SMOX: variants seen among roughly 807,000 people sequenced by gnomAD.
SMOX encodes the protein flavin containing amine oxidase.
SMOX carries 22 observed loss-of-function variants against 51.0 expected under a neutral mutation model. That is an observed-to-expected ratio of 0.43 (90% CI 0.31 to 0.62). SMOX has a LOEUF of 0.62. SMOX is among the 20% of genes least tolerant of loss of function. The probability of loss-of-function intolerance (pLI) is 0.10; values close to 1 mark genes in which losing one functional copy is unlikely to be tolerated. For missense variants in SMOX, 566 were observed against 777.7 expected, an observed-to-expected ratio of 0.73 and a Z score of 3.24; for synonymous variants, 282 against 307.8, an observed-to-expected ratio of 0.92 and a Z score of 0.88.
At chr20:4,179,157 A>G (rs923478860) in intron 3 of SMOX, among the ~76,000 whole-genome samples, 2 of 152,208 alleles carry the variant, frequency 1.3e-5, no homozygotes, top group African/African-American at 4.8e-5. Context: ...TAATGGGTCA[A>G]ATAAGAACTA....
rs143933852 is a variant in SMOX at position 4,153,403 on chromosome 20, G to C, written c.-27+4426G>C. Among the ~76,000 whole-genome samples, 1 of 152,266 alleles carries C rather than the reference G, an allele frequency of 6.6e-6. No homozygotes were observed. The highest frequency in any genetic ancestry group is 2.4e-5 in the African/African-American group (1 of 41,548). On this transcript the variant is annotated intron_variant, in intron 1 of 6. Transcript: ENST00000305958. This position sits in a 1 kb window ranked among gnomAD's most constrained non-coding sequence, Gnocchi z 4.4. ...CCTTGTAGACTCTGAAAGGAGGAAA[G>C]GCTTCCCCTGGGATGCCAGGCTGAG... is the stretch of plus-strand genomic sequence containing the variant.
rs554576568 is a variant in SMOX, at chr20:4,177,213, G to T, written c.209-138G>T. On this transcript the variant is annotated intron_variant, in intron 2 of 6. Coordinates refer to ENST00000305958, the MANE Select transcript of SMOX (RefSeq NM_175839.3). This position sits in a 1 kb window ranked among gnomAD's most constrained non-coding sequence, Gnocchi z 4.3. ...TTTTCACTGAGGACCTTCGTTGGTT[G>T]CCAGCAGTGGAAGTTCAAGCTCTTT... 21 of 741,344 alleles carry T rather than the reference G, an allele frequency of 2.8e-5. No individual in the cohort carries two copies. The highest frequency in any genetic ancestry group is 8.8e-6 in the Non-Finnish European group (4 of 457,104). The allele number at this position is 741,344 out of a possible 1,614,324, so 45.9% of individuals were successfully genotyped here.
intron 1 of SMOX, among the ~76,000 whole-genome samples, chr20:4,151,952 G>C (rs1420406960): frequency 6.6e-6 from 1 of 152,182 alleles, no homozygotes; most frequent in Non-Finnish European, 1.5e-5. Flanking sequence ...CAGAGAGGTG[G>C]GTATTGCAGT....
Position 4,166,307 on chromosome 20 carries a change from A to T in SMOX, c.-26-8723A>T, listed in dbSNP as rs1238378573. Among the ~76,000 whole-genome samples, 1 of 152,160 alleles carries T rather than the reference A, an allele frequency of 6.6e-6. No homozygotes were observed. Among genetic ancestry groups the T allele is most frequent in the Non-Finnish European group, 1.5e-5 (1 of 68,024 alleles). The stretch of plus-strand genomic sequence containing the variant: ...ACCTGTGTCTCTCTCTGATACTGTC[A>T]TCAAGGCCCTCAGTGAGCTTTCGGA... On this transcript the variant is annotated intron_variant, in intron 1 of 6. Transcript: ENST00000305958. This position sits in a 1 kb window ranked among gnomAD's most constrained non-coding sequence, Gnocchi z 4.2.
At chr20:4,175,881 C>T (rs1334670987) in intron 2 of SMOX, among the ~76,000 whole-genome samples, 1 of 100,148 alleles carries the variant, frequency 1.0e-5, no homozygotes, top group East Asian at 3.2e-4. Flanking sequence ...TAGGTCAGGG[C>T]TTCCCAACTG....
At chr20:4,161,065 G>A (rs1179130032) in intron 1 of SMOX, among the ~76,000 whole-genome samples, 1 of 152,230 alleles carries the variant, frequency 6.6e-6, no homozygotes, top group Non-Finnish European at 1.5e-5. Context: ...AAGAGTCAGC[G>A]GAAAGTGCTG....
At chr20:4,162,126 A>C (rs1248839126) in intron 1 of SMOX, among the ~76,000 whole-genome samples, 2 of 152,176 alleles carry the variant, frequency 1.3e-5, no homozygotes, top group African/African-American at 4.8e-5. Context: ...CGGGGAGCCA[A>C]CCTGCATGGC....
intron 1 of SMOX, among the ~76,000 whole-genome samples, chr20:4,156,887 C>T (rs905736542): frequency 2.6e-5 from 4 of 152,128 alleles, no homozygotes; most frequent in Non-Finnish European, 4.4e-5. Flanking sequence ...GGATTACAGG[C>T]GCTCACCACC....
chr20:4,158,062 G>C (rs181519131), intron 1 of SMOX, among the ~76,000 whole-genome samples: 34 of 149,788 alleles, frequency 2.3e-4, no homozygotes, highest in African/African-American at 8.3e-4. Context: ...CACCACGCCC[G>C]GCTAATTTTT....
rs976677503 is a variant in SMOX at position 4,177,257 on chromosome 20, G to A, written c.209-94G>A. The A allele has an allele frequency of 1.8e-6, 2 of 1,103,976 alleles. No homozygotes were observed. The highest frequency in any genetic ancestry group is 2.6e-6 in the Non-Finnish European group (2 of 761,900). The allele number at this position is 1,103,976 out of a possible 1,614,324, so 68.4% of individuals were successfully genotyped here. ...GCTCTTTCCTGCCCTGTTGTAGGGT[G>A]GAAAGACCCTCTTGGAGGAAGGAGG... On this transcript the variant is annotated intron_variant, in intron 2 of 6. Coordinates refer to ENST00000305958, the MANE Select transcript of SMOX (RefSeq NM_175839.3). The surrounding 1 kb of genome is among the most constrained non-coding windows in gnomAD (Gnocchi z 4.3).
chr20:4,186,760 G>A (rs1979764972), intron 6 of SMOX: 1 of 780,884 alleles, frequency 1.3e-6, no homozygotes, highest in Non-Finnish European at 2.4e-6. Flanking sequence ...GCTCCACAAA[G>A]CAGCAGCCTG....
intron 1 of SMOX, among the ~76,000 whole-genome samples, chr20:4,159,713 G>A (rs2122412813): frequency 6.6e-6 from 1 of 152,306 alleles, no homozygotes; most frequent in South Asian, 2.1e-4. Flanking sequence ...CTCCACAAAA[G>A]GGCCTAAAGA....
chr20:4,185,907 A>G (rs867834153), intron 6 of SMOX, among the ~76,000 whole-genome samples: 15 of 144,964 alleles, frequency 1.0e-4, no homozygotes, highest in Middle Eastern at 3.4e-3. Flanking sequence ...CAAAAACCAA[A>G]AAACAACAAC....
At chr20:4,150,653 T>C (rs1487814437) in intron 1 of SMOX, among the ~76,000 whole-genome samples, 1 of 152,072 alleles carries the variant, frequency 6.6e-6, no homozygotes, top group Non-Finnish European at 1.5e-5. Flanking sequence ...TGTACATCAT[T>C]CTCATGGTTT....
At chr20:4,158,277 G>A (rs3827122) in intron 1 of SMOX, among the ~76,000 whole-genome samples, 26,059 of 152,066 alleles carry the variant, frequency 0.17, 2,346 homozygotes, top group South Asian at 0.3. Context: ...TGACCCGAAG[G>A]CCCTGGTGGG....
In SMOX at chr20:4,182,755, G is replaced by T; in HGVS notation, c.1276G>T (p.Gly426Cys). ...PPERYGHVLS[G>C]WICGEEALVM... ...TGAGCGCTACGGCCATGTGCTGAGC[G>T]GCTGGATCTGCGGGGAGGAGGCCCT... Residue 426 changes from glycine (G) to cysteine (C), a missense_variant, in exon 5 of 7, where the codon GGC becomes TGC. Coordinates refer to ENST00000305958, the MANE Select transcript of SMOX (RefSeq NM_175839.3). The surrounding 1 kb of genome is among the most constrained non-coding windows in gnomAD (Gnocchi z 8.4). The T allele has an allele frequency of 1.2e-6, 2 of 1,614,136 alleles. No individual in the cohort carries two copies. Among genetic ancestry groups the T allele is most frequent in the Non-Finnish European group, 8.5e-7 (1 of 1,180,026 alleles).
intron 3 of SMOX, among the ~76,000 whole-genome samples, chr20:4,178,259 G>A (rs568380641): frequency 7.2e-5 from 11 of 152,212 alleles, no homozygotes; most frequent in Middle Eastern, 3.4e-3. Flanking sequence ...GGTTGGTCTC[G>A]AACTCCTGAC....
rs768438474 is a variant in SMOX at position 4,187,307 on chromosome 20, G to A, written c.1568G>A (p.Arg523His). 2.5e-6 allele frequency: 4 copies of A among 1,614,122 alleles called. No homozygotes were observed. Among genetic ancestry groups the A allele is most frequent in the African/African-American group, 2.7e-5 (2 of 75,044 alleles). Residue 523 changes from arginine (R) to histidine (H), a missense_variant, in exon 7 of 7, where the codon CGC becomes CAC. By Grantham distance (29) the Arg-to-His change is conservative (BLOSUM62 0). Around this residue, in one of 3 missense-constraint regions of SMOX, gnomAD observed 347 missense variants for 481.8 expected, o/e 0.72. Transcript: ENST00000305958. This position sits in a 1 kb window ranked among gnomAD's most constrained non-coding sequence, Gnocchi z 4.8. ...QVLFSGEATH[R>H]KYYSTTHGAL... is the part of the protein sequence containing the mutation. ...CTGTTTTCCGGTGAGGCCACCCACC[G>A]CAAGTACTATTCCACCACCCACGGT...
At position 4,183,171 on chromosome 20, in the gene SMOX, A is replaced by G; in HGVS notation, c.1369+323A>G. On this transcript the variant is annotated intron_variant, in intron 5 of 6. Transcript: ENST00000305958. The surrounding 1 kb of genome is among the most constrained non-coding windows in gnomAD (Gnocchi z 4.3). ...TTTTACTCTCTGAGTCTTTCAGCTC[A>G]ACATTTTTCACCCACTATTCCAGGA... 5.3e-6 allele frequency: 3 copies of G among 565,514 alleles called. No individual in the cohort carries two copies. Among genetic ancestry groups the G allele is most frequent in the Non-Finnish European group, 9.4e-6 (3 of 319,636 alleles). 35.0% of individuals were successfully genotyped at this position (565,514 alleles called of 1,614,324 possible).
Sources: allele counts gnomAD v4.1 joint callset (sites outside exome capture counted in the v4.1 genomes callset), GRCh38; gene constraint gnomAD v4.1.1; regional missense constraint gnomAD v4.1.1; non-coding constraint Gnocchi (gnomAD v3.1); transcripts MANE v1.5; gene names NCBI Gene and HGNC (gene_info 2026-07-23, HGNC 2026-07-21).